CRYBG1: variants seen among roughly 807,000 people sequenced by gnomAD.
CRYBG1 encodes crystallin beta-gamma domain containing 1.
A neutral mutation model predicts 189.2 loss-of-function variants in CRYBG1; 139 were observed. That is an observed-to-expected ratio of 0.73 (90% CI 0.64 to 0.85). The LOEUF (loss-of-function observed/expected upper bound fraction) is 0.85. Among genes scored for constraint, CRYBG1 ranks in the 40% least tolerant of loss-of-function variants. The pLI is 0.00. For synonymous variants in CRYBG1, 1,023 were observed against 1,017.1 expected (o/e 1.01, Z -0.11); for missense variants, 2,611 against 2,675.8 (o/e 0.98, Z 0.53).
chr6:106,463,264 G>A (rs1004157734), intron 2 of CRYBG1, among the ~76,000 whole-genome samples: 2 of 151,478 alleles, frequency 1.3e-5, no homozygotes, highest in Non-Finnish European at 2.9e-5. Flanking sequence ...AACAACTTCT[G>A]TCCTACTTTG....
rs763420956 is a variant in CRYBG1 at position 106,512,373 on chromosome 6, G to C, written c.1256G>C (p.Gly419Ala). Residue 419 changes from glycine (G) to alanine (A), a missense_variant, in exon 3 of 22, where the codon GGG (glycine) becomes GCG (alanine). By Grantham distance (60) the Gly-to-Ala change is moderately conservative (BLOSUM62 0). Transcript: ENST00000633556. ...AAGAGGTCCAGCGGCCGTAGGTCGG[G>C]GAGGCGGAGGGGGTCGCAGAAATCC... ...MEKRSSGRRS[G>A]RRRGSQKSTD... 5.6e-6 allele frequency: 9 copies of C among 1,611,208 alleles called. No homozygotes were observed. The South Asian group carries it at 8.8e-5, about 16-fold the overall frequency.
At position 106,454,021 on chromosome 6, in the gene CRYBG1, C is replaced by T. The variant is rs1296218685; in HGVS notation, c.312+2189C>T. ...GAATGGGGTCAGCCAGGCGCTGTCT[C>T]TACTCTCTACTCACTGTAACACACC... On this transcript the variant is annotated intron_variant, in intron 2 of 21. Transcript: ENST00000633556. 3.3e-5 allele frequency among the ~76,000 whole-genome samples: 5 copies of T among 152,248 alleles called. No homozygotes were observed. In the East Asian group the frequency reaches 9.7e-4, roughly 29 times the overall value.
chr6:106,469,404 T>A (rs896401523), intron 2 of CRYBG1, among the ~76,000 whole-genome samples: 1 of 152,258 alleles, frequency 6.6e-6, no homozygotes, highest in African/African-American at 2.4e-5. Context: ...GAGATTTTTG[T>A]CTCTTTTGTT....
chr6:106,376,287 T>G (rs1235100636), intron 1 of CRYBG1, among the ~76,000 whole-genome samples: 1 of 152,242 alleles, frequency 6.6e-6, no homozygotes, highest in Non-Finnish European at 1.5e-5. Context: ...TTAAAACATG[T>G]AAAATAATTT....
intron 2 of CRYBG1, among the ~76,000 whole-genome samples, chr6:106,476,082 C>G (rs1772328223): frequency 6.6e-6 from 1 of 152,174 alleles, no homozygotes; most frequent in Admixed American, 6.5e-5. Context: ...TGTTACTTCT[C>G]TAAATGAAGA....
intron 2 of CRYBG1, among the ~76,000 whole-genome samples, chr6:106,490,305 TGAGGTTTGCTA>T (rs1772691908): frequency 6.6e-6 from 1 of 152,226 alleles, no homozygotes; most frequent in Admixed American, 6.5e-5. Flanking sequence ...TTGCCTGGCA[TGAGGTTTGCTA>T]AAGGAATAAG....
At position 106,561,328 on chromosome 6, in the gene CRYBG1, G is replaced by T. The variant is rs1352479730; in HGVS notation, c.5980-14G>T. The T allele has an allele frequency of 1.2e-6, 2 of 1,612,532 alleles. No individual in the cohort carries two copies. Among genetic ancestry groups the T allele is most frequent in the African/African-American group, 2.7e-5 (2 of 74,826 alleles). ...ACATCTGGTATAACAACTGCTGGGGGTTTTGTCTTCTAGAAGCGAATTTAT... is the reference window on the plus strand; with the variant it reads ...ACATCTGGTATAACAACTGCTGGGGTTTTTGTCTTCTAGAAGCGAATTTAT... On this transcript the variant is annotated splice_polypyrimidine_tract_variant and intron_variant, in intron 19 of 21. Coordinates refer to ENST00000633556, the MANE Select transcript of CRYBG1 (RefSeq NM_001371242.2).
At chr6:106,391,556 C>A (rs1434173494) in intron 1 of CRYBG1, among the ~76,000 whole-genome samples, 1 of 146,622 alleles carries the variant, frequency 6.8e-6, no homozygotes, top group Non-Finnish European at 1.5e-5. Context: ...ATTTTAGAAA[C>A]CAGACCATCA....
chr6:106,395,023 G>GTA (rs374946382), intron 1 of CRYBG1, among the ~76,000 whole-genome samples: 41 of 150,444 alleles, frequency 2.7e-4, no homozygotes, highest in Admixed American at 1.3e-3. Flanking sequence ...ACCTGGAAAT[G>GTA]TATATATATA....
chr6:106,496,086 G>A (rs1174144227), intron 2 of CRYBG1, among the ~76,000 whole-genome samples: 1 of 152,076 alleles, frequency 6.6e-6, no homozygotes, highest in Non-Finnish European at 1.5e-5. Flanking sequence ...ATTATGTATT[G>A]CACATACTTT....
At chr6:106,382,249 G>A (rs897131342) in intron 1 of CRYBG1, among the ~76,000 whole-genome samples, 1 of 152,170 alleles carries the variant, frequency 6.6e-6, no homozygotes, top group Non-Finnish European at 1.5e-5. Flanking sequence ...GCACTTTAAG[G>A]GGAGTAGTAT....
At chr6:106,501,523 T>C (rs1009664274) in intron 2 of CRYBG1, among the ~76,000 whole-genome samples, 1 of 152,258 alleles carries the variant, frequency 6.6e-6, no homozygotes, top group Admixed American at 6.5e-5. Context: ...ACTTAGTTTC[T>C]ATAATTTTAA....
chr6:106,549,934 A>G (rs549571966), intron 13 of CRYBG1, among the ~76,000 whole-genome samples: 152 of 152,356 alleles, frequency 1.0e-3, no homozygotes, highest in African/African-American at 3.6e-3. Context: ...AGAACAGTAA[A>G]TGAAAGGGAA....
chr6:106,500,237 C>T (rs1004211027), intron 2 of CRYBG1, among the ~76,000 whole-genome samples: 2 of 152,168 alleles, frequency 1.3e-5, no homozygotes, highest in Admixed American at 6.5e-5. Context: ...AACCTCCACA[C>T]TATTTTCCAT....
Position 106,571,852 on chromosome 6 carries a change from T to G in CRYBG1, c.*3286T>G. 1.7e-6 allele frequency: 1 copy of G among 579,288 alleles called. No individual in the cohort carries two copies. 35.9% of individuals were successfully genotyped at this position (579,288 alleles called of 1,614,324 possible). On this transcript the variant is annotated 3_prime_UTR_variant, in exon 22 of 22. Coordinates refer to ENST00000633556, the MANE Select transcript of CRYBG1 (RefSeq NM_001371242.2). The stretch of plus-strand genomic sequence containing the variant: ...TTTTTATATCAATTACTGGCCAAAA[T>G]GGTGTGTTTATTTTTTAAAGCTTGT...
At chr6:106,448,740 C>CT (rs1292690309) in intron 1 of CRYBG1, among the ~76,000 whole-genome samples, 1 of 152,182 alleles carries the variant, frequency 6.6e-6, no homozygotes, top group East Asian at 1.9e-4. Context: ...CTCCCTTCTC[C>CT]TTTTTTCCTA....
chr6:106,423,490 TTATAGA>T (rs1771167865), intron 1 of CRYBG1, among the ~76,000 whole-genome samples: 2 of 151,992 alleles, frequency 1.3e-5, no homozygotes, highest in South Asian at 4.1e-4. Context: ...TTTACCTGTG[TTATAGA>T]TATAAGCATA....
chr6:106,475,996 G>A (rs563952925), intron 2 of CRYBG1, among the ~76,000 whole-genome samples: 1 of 152,270 alleles, frequency 6.6e-6, no homozygotes, highest in African/African-American at 2.4e-5. Flanking sequence ...ATGAGTACCT[G>A]TGTAAGTAGG....
At chr6:106,515,755 A>AAATT (rs1481550822) in intron 3 of CRYBG1, among the ~76,000 whole-genome samples, 3 of 147,348 alleles carry the variant, frequency 2.0e-5, no homozygotes, top group Non-Finnish European at 3.0e-5. Context: ...AGCAGAGATC[A>AAATT]AATTTATTTA....
Sources: gnomAD v4.1 joint callset for allele counts (sites outside exome capture counted in the v4.1 genomes callset) on GRCh38, gnomAD v4.1.1 for gene constraint, MANE v1.5 for transcripts, NCBI Gene and HGNC (gene_info 2026-07-23, HGNC 2026-07-21) for gene names.